Variants in JAZF1 observed in about 807,000 individuals in gnomAD.
JAZF1 encodes the protein JAZF zinc finger 1.
JAZF1 carries 8 observed loss-of-function variants against 26.4 expected under a neutral mutation model. The ratio of observed to expected loss-of-function variants is 0.30; its 90% CI spans 0.18 to 0.55. The LOEUF (loss-of-function observed/expected upper bound fraction) is 0.55. JAZF1 is among the 20% of genes least tolerant of loss of function. JAZF1 has a pLI of 0.94. For synonymous variants in JAZF1, 126 were observed against 122.3 expected, an observed-to-expected ratio of 1.03 and a Z score of -0.20; for missense variants, 199 against 322.0, an observed-to-expected ratio of 0.62 and a Z score of 2.92.
chr7:27,966,534 G>C (rs1034616166), intron 2 of JAZF1, among the ~76,000 whole-genome samples: 1 of 152,152 alleles, frequency 6.6e-6, no homozygotes, highest in Non-Finnish European at 1.5e-5. Flanking sequence ...TCCAGGAAGG[G>C]AAGGGCACTG....
Position 27,840,661 on chromosome 7 carries a change from C to T in JAZF1, c.555+37G>A. On this transcript the variant is annotated intron_variant, in intron 4 of 4. Transcript: ENST00000283928. The surrounding 1 kb of genome is among the most constrained non-coding windows in gnomAD (Gnocchi z 5.1). ...GCCTTCCATGAAGCTTGCCCTGTTT[C>T]CATGTGGTTATGCCAAGCATGCAGC... is the stretch of plus-strand genomic sequence containing the variant. The T allele has an allele frequency of 1.2e-6, 2 of 1,605,870 alleles. No individual in the cohort carries two copies. The highest frequency in any genetic ancestry group is 2.2e-5 in the South Asian group (2 of 90,362).
chr7:27,875,588 C>T (rs1198245393), intron 3 of JAZF1, among the ~76,000 whole-genome samples: 2 of 152,200 alleles, frequency 1.3e-5, no homozygotes, highest in Admixed American at 6.5e-5. Context: ...ATCCTTAAAG[C>T]TCAGACTGGG....
At chr7:27,992,725 T>G (rs574735185) in intron 1 of JAZF1, among the ~76,000 whole-genome samples, 1 of 152,350 alleles carries the variant, frequency 6.6e-6, no homozygotes, top group South Asian at 2.1e-4. Context: ...TAAACAATGT[T>G]TATGTAATAA....
chr7:27,855,386 G>A (rs923308764), intron 3 of JAZF1, among the ~76,000 whole-genome samples: 4 of 151,912 alleles, frequency 2.6e-5, no homozygotes, highest in Non-Finnish European at 5.9e-5. Flanking sequence ...AGAACTGAAG[G>A]AGATAGAGAC....
chr7:27,953,752 T>A (rs1187507793), intron 2 of JAZF1, among the ~76,000 whole-genome samples: 3 of 152,202 alleles, frequency 2.0e-5, no homozygotes, highest in Non-Finnish European at 4.4e-5. Flanking sequence ...CCTTGATGGA[T>A]CAAAGATCTG....
At chr7:27,859,101 C>T (rs576062416) in intron 3 of JAZF1, among the ~76,000 whole-genome samples, 4 of 152,254 alleles carry the variant, frequency 2.6e-5, no homozygotes, top group East Asian at 1.9e-4. Flanking sequence ...GACATTTATG[C>T]GGCCAGCAAA....
chr7:28,121,190 A>AAAAAAAG (rs1366060088), intron 1 of JAZF1, among the ~76,000 whole-genome samples: 2 of 151,536 alleles, frequency 1.3e-5, no homozygotes, highest in East Asian at 1.9e-4. Flanking sequence ...TGTCTCGAAA[A>AAAAAAAG]AAAAAGAAAA....
At chr7:28,082,533 A>C (rs546363208) in intron 1 of JAZF1, among the ~76,000 whole-genome samples, 2 of 152,220 alleles carry the variant, frequency 1.3e-5, no homozygotes, top group African/African-American at 4.8e-5. Flanking sequence ...GATGGCTCTC[A>C]AATCTCTTCC....
chr7:28,175,173 T>C, intron 1 of JAZF1, among the ~76,000 whole-genome samples: 1 of 152,202 alleles, frequency 6.6e-6, no homozygotes, highest in Middle Eastern at 3.2e-3. Context: ...GGCAAATGCC[T>C]CTGCCAGGGT....
intron 1 of JAZF1, among the ~76,000 whole-genome samples, chr7:28,103,004 T>A (rs1003065369): frequency 2.6e-5 from 4 of 152,142 alleles, no homozygotes; most frequent in Non-Finnish European, 4.4e-5. Context: ...GGTGAGTCAC[T>A]CATCTTGGGC....
At chr7:28,119,801 C>T (rs767754011) in intron 1 of JAZF1, among the ~76,000 whole-genome samples, 1 of 152,210 alleles carries the variant, frequency 6.6e-6, no homozygotes, top group Non-Finnish European at 1.5e-5. Flanking sequence ...TGGGACATAT[C>T]AATTAACTGA....
intron 2 of JAZF1, among the ~76,000 whole-genome samples, chr7:27,968,401 G>C (rs1196674374): frequency 1.3e-5 from 2 of 152,162 alleles, no homozygotes; most frequent in African/African-American, 2.4e-5. Flanking sequence ...CAGAGCCTGA[G>C]CCTGGTCTTT....
chr7:27,929,953 T>TCTCTCTCTCTCTCTCTCC, intron 2 of JAZF1, among the ~76,000 whole-genome samples: 1 of 151,572 alleles, frequency 6.6e-6, no homozygotes, highest in South Asian at 2.1e-4. Flanking sequence ...TCTCTCTCTC[T>TCTCTCTCTCTCTCTCTCC]CTCTCTCCCC....
chr7:27,948,552 T>C (rs1038523771), intron 2 of JAZF1, among the ~76,000 whole-genome samples: 5 of 152,188 alleles, frequency 3.3e-5, no homozygotes, highest in African/African-American at 4.8e-5. Flanking sequence ...AGCAATGACT[T>C]ATCATTTGTA....
intron 3 of JAZF1, among the ~76,000 whole-genome samples, chr7:27,891,349 CA>C (rs1783974086): frequency 6.6e-6 from 1 of 152,176 alleles, no homozygotes; most frequent in African/African-American, 2.4e-5. Context: ...GTAGCTGAAA[CA>C]GAGACCCTGT....
chr7:28,175,846 G>A (rs956542806), intron 1 of JAZF1, among the ~76,000 whole-genome samples: 1 of 152,190 alleles, frequency 6.6e-6, no homozygotes, highest in Non-Finnish European at 1.5e-5. Context: ...ACCTTAGTTT[G>A]CTCACCTAAA....
chr7:28,171,332 C>T (rs1255406259), intron 1 of JAZF1, among the ~76,000 whole-genome samples: 2 of 152,208 alleles, frequency 1.3e-5, no homozygotes, highest in Non-Finnish European at 2.9e-5. Flanking sequence ...ATATACAGCC[C>T]TCATTGATGC....
At chr7:27,949,327 G>A (rs532007484) in intron 2 of JAZF1, among the ~76,000 whole-genome samples, 2 of 152,186 alleles carry the variant, frequency 1.3e-5, no homozygotes, top group African/African-American at 4.8e-5. Flanking sequence ...TTCTATTGTC[G>A]TGCCCTCCTG....
At chr7:27,858,144 T>C (rs1783305677) in intron 3 of JAZF1, among the ~76,000 whole-genome samples, 1 of 152,026 alleles carries the variant, frequency 6.6e-6, no homozygotes, top group Admixed American at 6.6e-5. Flanking sequence ...GCTACTAAGA[T>C]AATAAAATAC....
Sources: gnomAD v4.1 joint callset for allele counts (sites outside exome capture counted in the v4.1 genomes callset) on GRCh38, gnomAD v4.1.1 for gene constraint, Gnocchi (gnomAD v3.1) non-coding constraint, MANE v1.5 for transcripts, NCBI Gene and HGNC (gene_info 2026-07-23, HGNC 2026-07-21) for gene names.